Variants in SLC44A5 observed in about 807,000 individuals in gnomAD.
SLC44A5 encodes solute carrier family 44 member 5.
In SLC44A5, 57 loss-of-function variants were observed where a neutral mutation model predicts 101.8. The ratio of observed to expected loss-of-function variants is 0.56; its 90% CI spans 0.45 to 0.70. SLC44A5 has a LOEUF of 0.70. SLC44A5 is among the 30% of genes least tolerant of loss of function. The probability of loss-of-function intolerance (pLI) is 0.00; values close to 1 mark genes in which losing one functional copy is unlikely to be tolerated. For synonymous variants in SLC44A5, 281 were observed against 290.9 expected (o/e 0.97, Z 0.35); for missense variants, 737 against 853.1 (o/e 0.86, Z 1.70).
chr1:75,594,121 A>ATAT (rs1674507046), intron 1 of SLC44A5, among the ~76,000 whole-genome samples: 1 of 151,968 alleles, frequency 6.6e-6, no homozygotes, highest in Non-Finnish European at 1.5e-5. Context: ...ATATACACCT[A>ATAT]CTGTGTACCC....
chr1:75,402,273 T>C (rs752005738), intron 2 of SLC44A5: 6 of 192,336 alleles, frequency 3.1e-5, no homozygotes, highest in African/African-American at 7.0e-5. Flanking sequence ...TCACTCACTA[T>C]GGCTTTGGGG....
intron 1 of SLC44A5, among the ~76,000 whole-genome samples, chr1:75,553,390 G>A (rs1672047879): frequency 1.3e-5 from 2 of 151,768 alleles, no homozygotes; most frequent in Non-Finnish European, 2.9e-5. Flanking sequence ...TTTTACTTTT[G>A]CCAGTTTTAT....
chr1:75,362,649 G>A (rs1431566585), intron 3 of SLC44A5, among the ~76,000 whole-genome samples: 2 of 151,856 alleles, frequency 1.3e-5, no homozygotes, highest in Admixed American at 1.3e-4. Flanking sequence ...TTGTACCACT[G>A]TGAACAGAAA....
At chr1:75,711,315 C>T in the SLC44A5 span, among the ~76,000 whole-genome samples, 1 of 152,200 alleles carries the variant, frequency 6.6e-6, no homozygotes, top group African/African-American at 2.4e-5. Flanking sequence ...ATAAAGACAA[C>T]AGCCAGTTCT....
At chr1:75,318,878 C>T (rs1005428759) in intron 4 of SLC44A5, among the ~76,000 whole-genome samples, 1 of 152,146 alleles carries the variant, frequency 6.6e-6, no homozygotes, top group Non-Finnish European at 1.5e-5. Context: ...TCCTTCAACA[C>T]CAGTATTTAA....
At chr1:75,224,860 T>C (rs1647164763) in intron 13 of SLC44A5, among the ~76,000 whole-genome samples, 1 of 151,844 alleles carries the variant, frequency 6.6e-6, no homozygotes, top group Non-Finnish European at 1.5e-5. Context: ...TGTATACGTG[T>C]GATTATAAAA....
intron 4 of SLC44A5, among the ~76,000 whole-genome samples, chr1:75,324,975 A>T (rs1195593147): frequency 6.6e-6 from 1 of 152,212 alleles, no homozygotes; most frequent in African/African-American, 2.4e-5. Flanking sequence ...AGCATTTATT[A>T]TATACCAGGT....
intron 3 of SLC44A5, among the ~76,000 whole-genome samples, chr1:75,358,723 A>G (rs1367715446): frequency 4.6e-5 from 7 of 152,188 alleles, no homozygotes; most frequent in African/African-American, 1.7e-4. Flanking sequence ...TTTTTAACCA[A>G]CAAATCATAA....
chr1:75,640,743 T>TCCA, the SLC44A5 span, among the ~76,000 whole-genome samples: 1 of 151,970 alleles, frequency 6.6e-6, no homozygotes, highest in Non-Finnish European at 1.5e-5. Flanking sequence ...TGAAGTAGAG[T>TCCA]TGTGCCTTCT....
chr1:75,255,199 T>A (rs969145205), intron 6 of SLC44A5, among the ~76,000 whole-genome samples: 8 of 152,050 alleles, frequency 5.3e-5, no homozygotes, highest in African/African-American at 1.9e-4. Context: ...CCTTTTTTCT[T>A]TAGTAATAGA....
intron 1 of SLC44A5, among the ~76,000 whole-genome samples, chr1:75,570,220 A>T (rs1673002774): frequency 6.6e-6 from 1 of 152,214 alleles, no homozygotes; most frequent in South Asian, 2.1e-4. Context: ...ATGGGTGCTG[A>T]AAAACGGGGA....
intron 4 of SLC44A5, among the ~76,000 whole-genome samples, chr1:75,338,001 C>T (rs534362424): frequency 8.5e-5 from 13 of 152,310 alleles, no homozygotes; most frequent in Admixed American, 2.6e-4. Flanking sequence ...TCCTTAAACA[C>T]CCCAGTTATT....
chr1:75,386,169 C>T (rs938881276), intron 3 of SLC44A5, among the ~76,000 whole-genome samples: 6 of 152,028 alleles, frequency 3.9e-5, no homozygotes, highest in African/African-American at 4.8e-5. Flanking sequence ...TGCCCTCTCT[C>T]ACCACTCCTA....
At chr1:75,526,131 G>A (rs1670396236) in intron 2 of SLC44A5, among the ~76,000 whole-genome samples, 1 of 152,014 alleles carries the variant, frequency 6.6e-6, no homozygotes, top group African/African-American at 2.4e-5. Flanking sequence ...ACCACTTCAG[G>A]CCAGCTTTTC....
chr1:75,306,902 T>A (rs989642048), intron 4 of SLC44A5, among the ~76,000 whole-genome samples: 9 of 150,954 alleles, frequency 6.0e-5, no homozygotes, highest in Non-Finnish European at 1.2e-4. Flanking sequence ...GCCCGGCTAA[T>A]TTTTTTTGTA....
the SLC44A5 span, among the ~76,000 whole-genome samples, chr1:75,663,666 A>G: frequency 6.6e-6 from 1 of 152,224 alleles, no homozygotes; most frequent in Non-Finnish European, 1.5e-5. Flanking sequence ...TTACCAGCCA[A>G]AAATAGTCCC....
At chr1:75,685,983 A>G in the SLC44A5 span, among the ~76,000 whole-genome samples, 1 of 152,218 alleles carries the variant, frequency 6.6e-6, no homozygotes. Context: ...TGTTCTTTAC[A>G]CATGGTGGCA....
chr1:75,580,865 C>G (rs1035593198), intron 1 of SLC44A5, among the ~76,000 whole-genome samples: 2 of 148,626 alleles, frequency 1.3e-5, no homozygotes, highest in East Asian at 4.0e-4. Context: ...AAAAGAAAAA[C>G]AAAGAAAGGA....
chr1:75,538,675 G>A (rs1488225760), intron 2 of SLC44A5, among the ~76,000 whole-genome samples: 6 of 152,128 alleles, frequency 3.9e-5, no homozygotes, highest in Admixed American at 1.3e-4. Flanking sequence ...AGAAAGTGTG[G>A]GTAAACTGTC....
Sources: gnomAD v4.1 joint callset for allele counts (sites outside exome capture counted in the v4.1 genomes callset) on GRCh38, gnomAD v4.1.1 for gene constraint, MANE v1.5 for transcripts, NCBI Gene and HGNC (gene_info 2026-07-23, HGNC 2026-07-21) for gene names.